The following EXOC4 variants were observed in gnomAD, a reference collection of about 807,000 sequenced individuals.
EXOC4 encodes exocyst complex component 4, also known as SEC8-like 1.
In EXOC4, 71 loss-of-function variants were observed where a neutral mutation model predicts 107.2. The observed-to-expected ratio is 0.66, with a 90% CI of 0.55 to 0.81. The LOEUF (loss-of-function observed/expected upper bound fraction) is 0.81. Among genes scored for constraint, EXOC4 ranks in the 30% least tolerant of loss-of-function variants. The pLI is 0.00. For synonymous variants in EXOC4, 456 were observed against 441.2 expected (o/e 1.03, Z -0.42); for missense variants, 1,108 against 1,189.6 (o/e 0.93, Z 1.01).
intron 7 of EXOC4, among the ~76,000 whole-genome samples, chr7:133,467,522 A>G (rs955877114): frequency 3.3e-5 from 5 of 151,602 alleles, no homozygotes; most frequent in African/African-American, 1.2e-4. Context: ...TGCCTGTTTA[A>G]AACTCTTTTT....
At chr7:134,047,257 A>G (rs1192733955) in intron 17 of EXOC4, among the ~76,000 whole-genome samples, 2 of 152,116 alleles carry the variant, frequency 1.3e-5, no homozygotes, top group Non-Finnish European at 2.9e-5. Flanking sequence ...GGTTTTTTCA[A>G]ATCAGATACT....
At chr7:133,510,655 T>C (rs1441357682) in intron 9 of EXOC4, among the ~76,000 whole-genome samples, 1 of 152,208 alleles carries the variant, frequency 6.6e-6, no homozygotes, top group Non-Finnish European at 1.5e-5. Flanking sequence ...AGCAATAGAA[T>C]TGTCTCAAAA....
rs35833319 is a variant in EXOC4, at chr7:133,610,986, ATT to A, written c.1418-19043_1418-19042del. Among the ~76,000 whole-genome samples the A allele has an allele frequency of 6.0e-3, 704 of 116,764 alleles. 4 individuals carry two copies. The highest frequency in any genetic ancestry group is 9.1e-3 in the African/African-American group (285 of 31,344). The allele number at this position is 116,764 out of a possible 152,430, so 76.6% of individuals were successfully genotyped here. ...ACCACGATTCCTGGCTGTTTTCTCT[ATT>A]TTTTTTTTTTTTTTTGTAGAGATGG... On this transcript the variant is annotated intron_variant, in intron 9 of 17. Transcript: ENST00000253861.
At chr7:133,460,583 AT>A (rs970078543) in intron 7 of EXOC4, among the ~76,000 whole-genome samples, 3 of 151,686 alleles carry the variant, frequency 2.0e-5, no homozygotes, top group African/African-American at 7.2e-5. Context: ...AGATGTGGAA[AT>A]TTTTTTTTGG....
At chr7:133,859,878 C>G (rs562898248) in intron 11 of EXOC4, among the ~76,000 whole-genome samples, 1 of 152,068 alleles carries the variant, frequency 6.6e-6, no homozygotes, top group Admixed American at 6.6e-5. Flanking sequence ...GTCGATGTTG[C>G]TATTGTTTGG....
chr7:133,661,885 TAAGAAATTAAAC>T (rs1793697736), intron 10 of EXOC4, among the ~76,000 whole-genome samples: 1 of 151,942 alleles, frequency 6.6e-6, no homozygotes, highest in South Asian at 2.1e-4. Flanking sequence ...TAGAGAGTAG[TAAGAAATTAAAC>T]GTGAAATTAA....
intron 7 of EXOC4, among the ~76,000 whole-genome samples, chr7:133,441,516 G>A (rs886692583): frequency 1.3e-5 from 2 of 152,044 alleles, no homozygotes; most frequent in Non-Finnish European, 2.9e-5. Context: ...TCAGCCTCCC[G>A]AGTACCTGGG....
chr7:133,971,780 G>A (rs1387159568), intron 14 of EXOC4, among the ~76,000 whole-genome samples: 2 of 152,140 alleles, frequency 1.3e-5, no homozygotes, highest in African/African-American at 4.8e-5. Flanking sequence ...AACTAATAGA[G>A]TGTTTAGCTG....
At chr7:133,497,730 A>G (rs1421714499) in intron 9 of EXOC4, among the ~76,000 whole-genome samples, 4 of 151,940 alleles carry the variant, frequency 2.6e-5, no homozygotes, top group Non-Finnish European at 4.4e-5. Flanking sequence ...CGCCCTGGCC[A>G]AAGTAACACT....
chr7:133,912,411 A>G (rs1009374448), intron 12 of EXOC4, among the ~76,000 whole-genome samples: 6 of 152,180 alleles, frequency 3.9e-5, no homozygotes, highest in African/African-American at 1.2e-4. Flanking sequence ...GGGGTTTTTC[A>G]AAGAGGGACA....
intron 1 of EXOC4, among the ~76,000 whole-genome samples, 182 bp from the exon 2 acceptor site, chr7:133,274,800 A>G (rs1262643364): frequency 6.6e-6 from 1 of 152,190 alleles, no homozygotes; most frequent in African/African-American, 2.4e-5. Context: ...ATCCACTTAG[A>G]TGGGCTATTG....
intron 9 of EXOC4, among the ~76,000 whole-genome samples, chr7:133,519,397 C>G (rs138402821): frequency 6.6e-6 from 1 of 151,700 alleles, no homozygotes; most frequent in Non-Finnish European, 1.5e-5. Flanking sequence ...CGCTCCAGCC[C>G]GGGCAACAGA....
intron 10 of EXOC4, among the ~76,000 whole-genome samples, chr7:133,645,614 A>AT (rs1306933227): frequency 1.3e-5 from 2 of 151,882 alleles, no homozygotes; most frequent in Non-Finnish European, 2.9e-5. Flanking sequence ...TGGTAATGTG[A>AT]TTTTTTTATG....
chr7:133,730,490 T>TA (rs1255877727), intron 10 of EXOC4, among the ~76,000 whole-genome samples: 3 of 152,032 alleles, frequency 2.0e-5, no homozygotes, highest in African/African-American at 7.2e-5. Flanking sequence ...GCACAGTTCT[T>TA]AAAAAAACAG....
chr7:133,338,321 C>T (rs1009461825), intron 5 of EXOC4, among the ~76,000 whole-genome samples: 4 of 151,590 alleles, frequency 2.6e-5, no homozygotes, highest in Non-Finnish European at 4.4e-5. Context: ...CAGCCGGGCG[C>T]GGTGGCTCAC....
At chr7:133,273,734 G>T (rs1170567891) in intron 1 of EXOC4, among the ~76,000 whole-genome samples, 2 of 152,058 alleles carry the variant, frequency 1.3e-5, no homozygotes, top group Non-Finnish European at 2.9e-5. Context: ...GCAGACTATT[G>T]TACAGTATTT....
chr7:133,775,558 G>T (rs1428193944), intron 10 of EXOC4, among the ~76,000 whole-genome samples: 3 of 152,162 alleles, frequency 2.0e-5, no homozygotes, highest in African/African-American at 7.2e-5. Flanking sequence ...AGGTGCATCA[G>T]CAGGCATGTC....
At chr7:133,530,588 G>A (rs895905613) in intron 9 of EXOC4, among the ~76,000 whole-genome samples, 2 of 152,166 alleles carry the variant, frequency 1.3e-5, no homozygotes, top group African/African-American at 4.8e-5. Flanking sequence ...TGGAAATGTT[G>A]TTATGCCGCA....
chr7:133,668,783 C>T (rs982297297), intron 10 of EXOC4, among the ~76,000 whole-genome samples: 5 of 152,090 alleles, frequency 3.3e-5, no homozygotes, highest in Non-Finnish European at 5.9e-5. Flanking sequence ...CCAACATTCC[C>T]GAGTTATGGT....
Sources: allele counts gnomAD v4.1 joint callset (sites outside exome capture counted in the v4.1 genomes callset), GRCh38; gene constraint gnomAD v4.1.1; transcripts MANE v1.5; gene names NCBI Gene and HGNC (gene_info 2026-07-23, HGNC 2026-07-21).